The following GPR142 variants were observed in gnomAD, a reference collection of about 807,000 sequenced individuals.
GPR142 encodes the protein G-protein coupled receptor 142 long form.
A neutral mutation model predicts 10.6 loss-of-function variants in GPR142; 9 were observed. The ratio of observed to expected loss-of-function variants is 0.85; its 90% CI spans 0.51 to 1.48. The LOEUF (loss-of-function observed/expected upper bound fraction) is 1.48, where lower values mean the gene tolerates loss of function less well. GPR142 is among the 40% of genes most tolerant of loss of function. The probability of loss-of-function intolerance (pLI) is 0.00; values close to 1 mark genes in which losing one functional copy is unlikely to be tolerated. For missense variants in GPR142, 482 were observed against 506.0 expected, an observed-to-expected ratio of 0.95 and a Z score of 0.45; for synonymous variants, 202 against 221.2, an observed-to-expected ratio of 0.91 and a Z score of 0.77.
In GPR142 at chr17:74,372,471, T is replaced by C; in HGVS notation, c.996T>C (p.Thr332=). ...GCCTCTACTGCTTTGTCAGCAAGAC[T>C]TTCCGGGCCACTGTCCGACAGGTCA... ...NFGLYCFVSK[T]FRATVRQVIH... is the part of the protein sequence containing the mutation. Residue 332 remains threonine, a synonymous_variant, in exon 4 of 4, where the codon ACT becomes ACC. Transcript: ENST00000582579. The C allele has an allele frequency of 6.2e-7, 1 of 1,613,908 alleles. No homozygotes were observed. Among genetic ancestry groups the C allele is most frequent in the Non-Finnish European group, 8.5e-7 (1 of 1,180,056 alleles).
intron 3 of GPR142, 25 bp from the exon 4 acceptor site, chr17:74,371,704 C>T (rs11652774): frequency 0.37 from 575,000 of 1,573,030 alleles, 106,830 homozygotes; most frequent in South Asian, 0.42. Context: ...ATGCCTCTCC[C>T]CTCCCTCACC....
intron 3 of GPR142, 111 bp downstream of exon 3, chr17:74,370,790 C>G (rs990147968): frequency 9.8e-7 from 1 of 1,018,162 alleles, no homozygotes; most frequent in African/African-American, 1.6e-5. Context: ...ATCATAGACC[C>G]CTGGTCTTTC....
At chr17:74,368,231 G>A (rs1202404548) in intron 1 of GPR142, among the ~76,000 whole-genome samples, 1 of 152,176 alleles carries the variant, frequency 6.6e-6, no homozygotes, top group African/African-American at 2.4e-5. Flanking sequence ...TTGAAGAGAG[G>A]GTCAGCCTCC....
intron 1 of GPR142, 98 bp from the exon 2 acceptor site, chr17:74,369,370 G>A: frequency 1.7e-6 from 2 of 1,201,170 alleles, no homozygotes; most frequent in South Asian, 1.4e-5. Context: ...AGAGCACCCT[G>A]GTTTGCTCCA....
chr17:74,370,383 C>G (rs2055014190), intron 2 of GPR142, 138 bp from the exon 3 acceptor site: 2 of 788,694 alleles, frequency 2.5e-6, no homozygotes, highest in African/African-American at 3.6e-5. Flanking sequence ...CAGCAACAGA[C>G]AGTGCACTCA....
chr17:74,370,511 C>T lies in GPR142; in HGVS notation c.95-10C>T, dbSNP rs745614537. The T allele has an allele frequency of 4.4e-6, 7 of 1,604,620 alleles. No homozygotes were observed. In the Admixed American group the frequency reaches 5.1e-5, roughly 12 times the overall value. ...CAGAGGCTCTGACTCTGCCCATCCG[C>T]ACCTTCTAGCTGGCCAGCCACGAGT... On this transcript the variant is annotated splice_polypyrimidine_tract_variant and intron_variant, in intron 2 of 3. Coordinates refer to ENST00000582579, the MANE Select transcript of GPR142 (RefSeq NM_001331076.1).
At position 74,371,722 on chromosome 17, in the gene GPR142, C is replaced by A; in HGVS notation, c.254-7C>A. 6.3e-7 allele frequency: 1 copy of A among 1,589,796 alleles called. No individual in the cohort carries two copies. Among genetic ancestry groups the A allele is most frequent in the Non-Finnish European group, 8.6e-7 (1 of 1,167,292 alleles). On this transcript the variant is annotated splice_polypyrimidine_tract_variant and splice_region_variant and intron_variant, in intron 3 of 3. Transcript: ENST00000582579. ...CCTCTCCCCTCCCTCACCTCGGCTG[C>A]CCTCAGTCAGCCTCCTGACCGCAGT...
At position 74,370,546 on chromosome 17, in the gene GPR142, G is replaced by T; in HGVS notation, c.120G>T (p.Leu40=). The change falls in exon 3 of 4, where the codon CTG becomes CTT. Residue 40 remains leucine, a synonymous_variant. Transcript: ENST00000582579. ...CTGGCCAGCCACGAGTGACCCTGCTGCCCACGCCCCACGTCAGCGGGCTGA... is the reference window on the plus strand; with the variant it reads ...CTGGCCAGCCACGAGTGACCCTGCTTCCCACGCCCCACGTCAGCGGGCTGA... The part of the protein sequence containing the change: ...ETAGQPRVTL[L]PTPHVSGLSQ... 1 of 1,612,704 alleles carries T rather than the reference G, an allele frequency of 6.2e-7. No homozygotes were observed. Among genetic ancestry groups the T allele is most frequent in the Non-Finnish European group, 8.5e-7 (1 of 1,179,358 alleles).
At chr17:74,367,905 G>A in intron 1 of GPR142, 111 bp downstream of exon 1, 1 of 1,063,126 alleles carries the variant, frequency 9.4e-7, no homozygotes, top group South Asian at 1.7e-5. Flanking sequence ...TTTCTGTGTA[G>A]CCTGTGTGAC....
intron 1 of GPR142, 30 bp downstream of exon 1, chr17:74,367,824 A>C: frequency 6.5e-7 from 1 of 1,549,386 alleles, no homozygotes; most frequent in Non-Finnish European, 8.7e-7. Flanking sequence ...TGCATGGGGC[A>C]TCATTGTAGC....
intron 3 of GPR142, among the ~76,000 whole-genome samples, chr17:74,371,037 C>G (rs1197581374): frequency 1.3e-5 from 2 of 152,114 alleles, no homozygotes; most frequent in Non-Finnish European, 2.9e-5. Context: ...CGGGTGGTCT[C>G]GGCCCTGGGG....
intron 3 of GPR142, 49 bp downstream of exon 3, chr17:74,370,728 G>C (rs766023515): frequency 6.4e-7 from 1 of 1,565,962 alleles, no homozygotes; most frequent in Non-Finnish European, 8.7e-7. Context: ...CAGAAATGGG[G>C]ATCCTCCTTC....
rs556316408 is a variant in GPR142, at chr17:74,369,385, CA to C, written c.-73-82del. ...AGAGCACCCTGGTTTGCTCCACCAGCATCTACTCTAGCTCTTTCCCCGGTGC... is the reference window on the plus strand; with the variant it reads ...AGAGCACCCTGGTTTGCTCCACCAGCTCTACTCTAGCTCTTTCCCCGGTGC... On this transcript the variant is annotated intron_variant, in intron 1 of 3. Coordinates refer to ENST00000582579, the MANE Select transcript of GPR142 (RefSeq NM_001331076.1). The C allele has an allele frequency of 6.7e-5, 91 of 1,362,940 alleles. 2 individuals are homozygous for C. In the South Asian group the frequency reaches 1.1e-3, roughly 16 times the overall value. The allele number at this position is 1,362,940 out of a possible 1,614,324, so 84.4% of individuals were successfully genotyped here.
chr17:74,370,281 G>A (rs1189415142), intron 2 of GPR142, among the ~76,000 whole-genome samples: 4 of 152,148 alleles, frequency 2.6e-5, no homozygotes, highest in Admixed American at 2.6e-4. Flanking sequence ...AGGCCGTGCT[G>A]CCAGGGACTT....
Position 74,370,595 on chromosome 17 carries a change from C to T in GPR142, c.169C>T (p.Pro57Ser). ...GLSQEFESHW[P>S]EIAERSPCVA... ...GAGCCAGGAGTTTGAAAGCCACTGG[C>T]CAGAGATCGCAGAGAGGTCCCCGTG... Residue 57 changes from proline (P) to serine (S), a missense_variant, in exon 3 of 4, where the codon CCA (proline) becomes TCA (serine). By Grantham distance (74) the Pro-to-Ser change is moderately conservative. Coordinates refer to ENST00000582579, the MANE Select transcript of GPR142 (RefSeq NM_001331076.1). The T allele has an allele frequency of 4.4e-6, 7 of 1,609,100 alleles. No individual in the cohort carries two copies. Among genetic ancestry groups the T allele is most frequent in the African/African-American group, 4.0e-5 (3 of 74,654 alleles).
Position 74,369,451 on chromosome 17 carries a change from G to A in GPR142, c.-73-17G>A, listed in dbSNP as rs1397239801. The A allele has an allele frequency of 1.3e-5, 19 of 1,497,752 alleles. No homozygotes were observed. The highest frequency in any genetic ancestry group is 4.0e-5 in the Admixed American group (2 of 49,624). 92.8% of individuals were successfully genotyped at this position (1,497,752 alleles called of 1,614,324 possible). On this transcript the variant is annotated splice_polypyrimidine_tract_variant and intron_variant, in intron 1 of 3. Transcript: ENST00000582579. ...TCCTTCCTCCTCCTTCCCCCGCCCC[G>A]CCCCCTGCACTAACAGGCTCAGTGT...
chr17:74,371,603 A>G (rs1004922146), intron 3 of GPR142, 126 bp from the exon 4 acceptor site: 2 of 1,005,308 alleles, frequency 2.0e-6, no homozygotes, highest in Admixed American at 2.7e-5. Flanking sequence ...ATCTGGAAGG[A>G]GAAAAAAGAG....
At chr17:74,371,702 C>T (rs2055026366) in intron 3 of GPR142, 27 bp from the exon 4 acceptor site, 1 of 1,574,568 alleles carries the variant, frequency 6.4e-7, no homozygotes, top group African/African-American at 1.3e-5. Flanking sequence ...TGATGCCTCT[C>T]CCCTCCCTCA....
In GPR142 at chr17:74,367,675, G is replaced by C; in HGVS notation, c.-193G>C. 1 of 1,613,708 alleles carries C rather than the reference G, an allele frequency of 6.2e-7. No homozygotes were observed. Among genetic ancestry groups the C allele is most frequent in the Non-Finnish European group, 8.5e-7 (1 of 1,180,012 alleles). ...TGTCTCAGCCATTCCAGGTGGCTGA[G>C]GTCTCCACAGGTCACAGGGGGAAGC... On this transcript the variant is annotated 5_prime_UTR_variant, in exon 1 of 4. Coordinates refer to ENST00000582579, the MANE Select transcript of GPR142 (RefSeq NM_001331076.1).
Sources: allele counts gnomAD v4.1 joint callset (sites outside exome capture counted in the v4.1 genomes callset), GRCh38; gene constraint gnomAD v4.1.1; transcripts MANE v1.5; gene names NCBI Gene and HGNC (gene_info 2026-07-23, HGNC 2026-07-21).